Variants in CAST observed in about 807,000 individuals in gnomAD.
The protein encoded by CAST is calpastatin, also known as MIR583 host.
CAST carries 76 observed loss-of-function variants against 119.6 expected under a neutral mutation model. The ratio of observed to expected loss-of-function variants is 0.64; its 90% CI spans 0.53 to 0.77. The LOEUF is 0.77. Among genes scored for constraint, CAST ranks in the 30% least tolerant of loss-of-function variants. CAST has a pLI of 0.00. For missense variants in CAST, 953 were observed against 946.5 expected (o/e 1.01, Z -0.09); for synonymous variants, 319 against 331.6 (o/e 0.96, Z 0.41).
chr5:96,082,205 C>T, the CAST span, among the ~76,000 whole-genome samples: 1 of 152,214 alleles, frequency 6.6e-6, no homozygotes, highest in East Asian at 1.9e-4. Context: ...AGCCACCACA[C>T]CCAGCTCTTA....
the CAST span, among the ~76,000 whole-genome samples, chr5:96,231,937 G>A: frequency 3.9e-5 from 6 of 152,030 alleles, no homozygotes; most frequent in African/African-American, 7.2e-5. Context: ...CCAATTGCAA[G>A]TGGATCCTAA....
At chr5:96,566,455 C>T (rs1746471113) in intron 1 of CAST, among the ~76,000 whole-genome samples, 1 of 152,142 alleles carries the variant, frequency 6.6e-6, no homozygotes, top group African/African-American at 2.4e-5. Context: ...TTGAAGAAAA[C>T]AACCAGAAGT....
Position 96,770,557 on chromosome 5 carries a change from C to T in CAST, c.2295C>T (p.Ser765=), listed in dbSNP as rs916239826. ...AKDKCKKAAS[S]SKAPKNGGKA... ...ATAAGTGCAAGAAGGCTGCTTCCAG[C>T]TCCAAAGCACCTAAGAATGGAGGTA... Residue 765 remains serine, a synonymous_variant, in exon 30 of 32, where the codon AGC becomes AGT. Transcript: ENST00000675179. The T allele has an allele frequency of 1.2e-6, 2 of 1,612,974 alleles. No homozygotes were observed. The highest frequency in any genetic ancestry group is 8.5e-7 in the Non-Finnish European group (1 of 1,179,130).
intron 1 of CAST, among the ~76,000 whole-genome samples, chr5:96,590,973 GGT>G (rs370269172): frequency 6.6e-6 from 1 of 152,184 alleles, no homozygotes; most frequent in African/African-American, 2.4e-5. Flanking sequence ...ATTGCTTGAC[GGT>G]GTTTCATGAA....
intron 2 of CAST, among the ~76,000 whole-genome samples, chr5:96,689,805 A>G (rs561005234): frequency 3.3e-5 from 5 of 152,216 alleles, no homozygotes; most frequent in Non-Finnish European, 5.9e-5. Context: ...GGCCAACTCC[A>G]TAGACTTTCT....
the CAST span, among the ~76,000 whole-genome samples, chr5:96,018,130 C>T: frequency 1.3e-5 from 2 of 152,290 alleles, no homozygotes; most frequent in South Asian, 2.1e-4. Context: ...TACTCCTGTA[C>T]ATTGACGTCA....
the CAST span, among the ~76,000 whole-genome samples, chr5:96,481,519 G>A: frequency 2.6e-5 from 4 of 152,168 alleles, no homozygotes; most frequent in Admixed American, 2.6e-4. Context: ...TGTATCCTAA[G>A]TGAGAATGTA....
At position 96,610,581 on chromosome 5, in the gene CAST, T is replaced by C. The variant is rs144259043; in HGVS notation, c.61-64958T>C. ...AACATCATACTGAATGGACCAAAGTTGAAAACATTTCCCTCAAGAGCTGGA... is the reference window on the plus strand; with the variant it reads ...AACATCATACTGAATGGACCAAAGTCGAAAACATTTCCCTCAAGAGCTGGA... On this transcript the variant is annotated intron_variant, in intron 1 of 11. Transcript: ENST00000505143. 3.2e-3 allele frequency among the ~76,000 whole-genome samples: 489 copies of C among 152,260 alleles called. 3 individuals are homozygous for C. The highest frequency in any genetic ancestry group is 5.2e-3 in the Non-Finnish European group (351 of 68,014).
chr5:96,218,632 C>T, the CAST span, among the ~76,000 whole-genome samples: 1 of 152,202 alleles, frequency 6.6e-6, no homozygotes, highest in African/African-American at 2.4e-5. Context: ...ACTCAGCACT[C>T]TTTTATATTG....
chr5:96,764,199 A>C (rs528804507), intron 25 of CAST, among the ~76,000 whole-genome samples: 4 of 152,314 alleles, frequency 2.6e-5, no homozygotes, highest in South Asian at 2.1e-4. Flanking sequence ...AATAATACTA[A>C]TAATAATTTA....
the CAST span, among the ~76,000 whole-genome samples, chr5:95,976,588 T>C: frequency 6.6e-6 from 1 of 152,246 alleles, no homozygotes; most frequent in African/African-American, 2.4e-5. Context: ...GAGCATACAC[T>C]CCTATCTCTT....
At chr5:96,393,076 A>G in the CAST span, 1 of 1,614,122 alleles carries the variant, frequency 6.2e-7, no homozygotes, top group Non-Finnish European at 8.5e-7. Context: ...GTTTAGTGTT[A>G]TAAAAAACAT....
chr5:96,543,398 G>C (rs1332658383), intron 1 of CAST, among the ~76,000 whole-genome samples: 2 of 152,126 alleles, frequency 1.3e-5, no homozygotes, highest in Non-Finnish European at 2.9e-5. Context: ...GGGGGCAAGG[G>C]GAGGGATAAC....
At chr5:96,534,220 C>G (rs1034468684) in intron 1 of CAST, among the ~76,000 whole-genome samples, 7 of 151,942 alleles carry the variant, frequency 4.6e-5, no homozygotes, top group African/African-American at 1.7e-4. Context: ...CGACATTTTC[C>G]AAATAACCAA....
the CAST span, among the ~76,000 whole-genome samples, chr5:96,108,408 G>A: frequency 6.6e-6 from 1 of 152,112 alleles, no homozygotes; most frequent in Non-Finnish European, 1.5e-5. Context: ...TTTTGGTGTG[G>A]ATGTCCTTTC....
chr5:96,357,193 C>G, the CAST span, among the ~76,000 whole-genome samples: 207 of 152,294 alleles, frequency 1.4e-3, 1 homozygote, highest in African/African-American at 4.7e-3. Flanking sequence ...TACCCTGAGA[C>G]TTTGCTGAAG....
the CAST span, among the ~76,000 whole-genome samples, chr5:96,361,013 T>A: frequency 6.6e-6 from 1 of 152,254 alleles, no homozygotes; most frequent in Non-Finnish European, 1.5e-5. Context: ...GCTGCCTTTT[T>A]TTCAGAGATG....
chr5:96,277,615 G>A, the CAST span, among the ~76,000 whole-genome samples: 189 of 152,170 alleles, frequency 1.2e-3, no homozygotes, highest in African/African-American at 4.4e-3. Flanking sequence ...GGTGGGGATC[G>A]GAGAAGCTGT....
intron 1 of CAST, among the ~76,000 whole-genome samples, chr5:96,632,480 G>A (rs932663551): frequency 6.6e-6 from 1 of 151,518 alleles, no homozygotes; most frequent in African/African-American, 2.4e-5. Flanking sequence ...ATTTTTAATT[G>A]CTTGTGTGTT....
Sources: gnomAD v4.1 joint callset for allele counts (sites outside exome capture counted in the v4.1 genomes callset) on GRCh38, gnomAD v4.1.1 for gene constraint, MANE v1.5 for transcripts, NCBI Gene and HGNC (gene_info 2026-07-23, HGNC 2026-07-21) for gene names.